CIB2: variants seen among roughly 807,000 people sequenced by gnomAD.
CIB2 encodes the protein calcium and integrin binding family member 2, also known as calcium and integrin-binding family member 2.
CIB2 carries 19 observed loss-of-function variants against 23.1 expected under a neutral mutation model. The observed-to-expected ratio is 0.82, with a 90% confidence interval of 0.57 to 1.21. CIB2 has a LOEUF of 1.21. Ranked by LOEUF, CIB2 falls within the 50% of genes most tolerant of loss-of-function variation. CIB2 has a pLI of 0.00. For missense variants in CIB2, 220 were observed against 241.5 expected (o/e 0.91, Z 0.59); for synonymous variants, 94 against 91.7 (o/e 1.03, Z -0.14).
rs1161313940 is a variant in CIB2, at chr15:78,105,890, T to C, written c.391A>G (p.Thr131Ala). The C allele has an allele frequency of 6.2e-7, 1 of 1,614,082 alleles. No homozygotes were observed. The highest frequency in any genetic ancestry group is 8.5e-7 in the Non-Finnish European group (1 of 1,180,034). The change falls in exon 5 of 6, where the codon ACG becomes GCG. Residue 131 changes from threonine (T) to alanine (A), a missense_variant. Thr to Ala is a moderately conservative substitution (Grantham distance 58). Coordinates refer to ENST00000258930, the MANE Select transcript of CIB2 (RefSeq NM_006383.4). ...NFICKEDLELTLARLTKSELD... is the reference protein window; with the variant it reads ...NFICKEDLELALARLTKSELD... ...TCTGACTTAGTGAGCCGGGCCAGCGTCAGCTCCAGGTCCTCCTTGCAGATG... is the reference window on the plus strand; with the variant it reads ...TCTGACTTAGTGAGCCGGGCCAGCGCCAGCTCCAGGTCCTCCTTGCAGATG...
intron 2 of CIB2, among the ~76,000 whole-genome samples, chr15:78,118,955 T>C (rs982552393): frequency 2.6e-5 from 4 of 151,772 alleles, no homozygotes; most frequent in Non-Finnish European, 4.4e-5. Context: ...CAGAAGCGGG[T>C]GGATCATTTG....
chr15:78,113,674 G>A (rs2141895800), intron 2 of CIB2, among the ~76,000 whole-genome samples: 1 of 152,174 alleles, frequency 6.6e-6, no homozygotes, highest in East Asian at 1.9e-4. Flanking sequence ...GGGACTACAG[G>A]CGCCTGCCAC....
intron 2 of CIB2, among the ~76,000 whole-genome samples, chr15:78,116,133 G>C (rs1386428866): frequency 1.3e-5 from 2 of 152,016 alleles, no homozygotes; most frequent in Non-Finnish European, 2.9e-5. Context: ...ATGTAGTAAT[G>C]ATTTAAAGTA....
chr15:78,131,535 T>TAAGG (rs2074458199), upstream of CIB2: 1 of 155,312 alleles, frequency 6.4e-6, no homozygotes, highest in African/African-American at 2.4e-5. This position sits in a 1 kb window ranked among gnomAD's most constrained non-coding sequence, Gnocchi z 5.8. Context: ...CACGAACCCT[T>TAAGG]GGCTCCCGCG....
intron 3 of CIB2, 53 bp downstream of exon 3, chr15:78,111,112 G>T: frequency 6.7e-7 from 1 of 1,498,180 alleles, no homozygotes; most frequent in Non-Finnish European, 9.3e-7. Flanking sequence ...GGCCTCTGCT[G>T]CTGGTCCAGA....
intron 1 of CIB2, among the ~76,000 whole-genome samples, chr15:78,129,015 G>A (rs2074419248): frequency 6.6e-6 from 1 of 152,320 alleles, no homozygotes; most frequent in East Asian, 1.9e-4. Context: ...TGGAGTTTGA[G>A]GGGTCTGGGG....
chr15:78,121,543 T>G (rs1350790239), intron 2 of CIB2, among the ~76,000 whole-genome samples: 2 of 152,102 alleles, frequency 1.3e-5, no homozygotes, highest in East Asian at 3.9e-4. Flanking sequence ...TGGTGGGAGG[T>G]AATTGAATCA....
At chr15:78,112,395 T>C (rs1215956278) in intron 2 of CIB2, among the ~76,000 whole-genome samples, 1 of 151,816 alleles carries the variant, frequency 6.6e-6, no homozygotes, top group Non-Finnish European at 1.5e-5. Flanking sequence ...AGCAAGACCC[T>C]GTCTCTACAA....
intron 2 of CIB2, among the ~76,000 whole-genome samples, chr15:78,121,677 G>A (rs2141909846): frequency 6.6e-6 from 1 of 152,302 alleles, no homozygotes; most frequent in East Asian, 1.9e-4. Context: ...GAGGAAGGAT[G>A]TGTTTGCCTC....
intron 1 of CIB2, among the ~76,000 whole-genome samples, chr15:78,130,231 A>T (rs2074435164): frequency 6.7e-6 from 1 of 149,082 alleles, no homozygotes; most frequent in Non-Finnish European, 1.5e-5. Flanking sequence ...TTGAAGGGTG[A>T]AAGAGATCCT....
At chr15:78,108,670 C>T (rs2074107065) in intron 4 of CIB2, among the ~76,000 whole-genome samples, 1 of 152,192 alleles carries the variant, frequency 6.6e-6, no homozygotes, top group Admixed American at 6.5e-5. Flanking sequence ...CTGGCTCCTC[C>T]ATTTTACACC....
At chr15:78,113,586 AGTGGCGC>A (rs1341715406) in intron 2 of CIB2, among the ~76,000 whole-genome samples, 2 of 149,714 alleles carry the variant, frequency 1.3e-5, no homozygotes, top group African/African-American at 4.9e-5. Flanking sequence ...GCTAGAGTAC[AGTGGCGC>A]GATCTCGGCT....
In CIB2 at chr15:78,111,236, G is replaced by C. The variant is rs1197771538; in HGVS notation, c.127C>G (p.Pro43Ala). Reference protein sequence around the residue: ...RFYELAPNLVPMDYRKSPIVH... With the variant: ...RFYELAPNLVAMDYRKSPIVH... ...ATGGGGCTCTTCCTGTAGTCCATTG[G>C]GACGAGGTTGGGGGCCAGCTCATAG... Residue 43 changes from proline (P) to alanine (A), a missense_variant, in exon 3 of 6, where the codon CCA becomes GCA. Physicochemically the swap from Pro to Ala is conservative, Grantham distance 27. Coordinates refer to ENST00000258930, the MANE Select transcript of CIB2 (RefSeq NM_006383.4). 1 of 1,614,046 alleles carries C rather than the reference G, an allele frequency of 6.2e-7. No individual in the cohort carries two copies. The highest frequency in any genetic ancestry group is 8.5e-7 in the Non-Finnish European group (1 of 1,180,044).
At chr15:78,122,489 C>T (rs1018048485) in intron 2 of CIB2, among the ~76,000 whole-genome samples, 10 of 152,224 alleles carry the variant, frequency 6.6e-5, no homozygotes, top group Non-Finnish European at 1.5e-4. Flanking sequence ...CCAGGGGTGA[C>T]AGCTTTGTTA....
intron 2 of CIB2, among the ~76,000 whole-genome samples, chr15:78,121,167 G>C (rs1234266300): frequency 1.3e-5 from 2 of 152,170 alleles, no homozygotes; most frequent in East Asian, 1.9e-4. Context: ...AGGGTGGACA[G>C]GTGGGCAGCA....
At chr15:78,114,656 G>A (rs761252666) in intron 2 of CIB2, among the ~76,000 whole-genome samples, 19 of 152,014 alleles carry the variant, frequency 1.2e-4, no homozygotes, top group Non-Finnish European at 2.5e-4. Context: ...CATACTGGGG[G>A]CCAGGCACAG....
intron 1 of CIB2, among the ~76,000 whole-genome samples, chr15:78,130,188 G>A (rs1035712749): frequency 1.3e-5 from 2 of 152,170 alleles, no homozygotes; most frequent in African/African-American, 4.8e-5. Flanking sequence ...CCCTCCGCCT[G>A]GGGAGTCAGG....
intron 2 of CIB2, among the ~76,000 whole-genome samples, chr15:78,116,662 G>T (rs1255716102): frequency 1.3e-5 from 2 of 152,074 alleles, no homozygotes; most frequent in Non-Finnish European, 2.9e-5. Flanking sequence ...ATACTGGAGA[G>T]GAGGCAAGTT....
chr15:78,123,666 G>T (rs748203993), intron 2 of CIB2, 39 bp downstream of exon 2: 5 of 1,612,222 alleles, frequency 3.1e-6, no homozygotes, highest in Admixed American at 1.7e-5. Flanking sequence ...CCCGGCCCCA[G>T]TCCCAGTCCC....
Sources: allele counts gnomAD v4.1 joint callset (sites outside exome capture counted in the v4.1 genomes callset), GRCh38; gene constraint gnomAD v4.1.1; non-coding constraint Gnocchi (gnomAD v3.1); transcripts MANE v1.5; gene names NCBI Gene and HGNC (gene_info 2026-07-23, HGNC 2026-07-21).